Variants in LZTFL1 observed in about 807,000 individuals in gnomAD.
LZTFL1 encodes leucine zipper transcription factor-like protein 1.
In LZTFL1, 25 loss-of-function variants were observed where a neutral mutation model predicts 45.9. The ratio of observed to expected loss-of-function variants is 0.54; its 90% CI spans 0.40 to 0.76. The LOEUF (loss-of-function observed/expected upper bound fraction) is 0.76, where lower values mean the gene tolerates loss of function less well. Among genes scored for constraint, LZTFL1 ranks in the 30% least tolerant of loss-of-function variants. LZTFL1 has a pLI of 0.00. For missense variants in LZTFL1, 277 were observed against 331.1 expected (o/e 0.84, Z 1.27); for synonymous variants, 93 against 117.4 (o/e 0.79, Z 1.35).
At chr3:45,897,031 C>G (rs1702377715) in intron 2 of LZTFL1, among the ~76,000 whole-genome samples, 1 of 152,188 alleles carries the variant, frequency 6.6e-6, no homozygotes, top group Admixed American at 6.5e-5. Context: ...TGCTTCTGAG[C>G]CCAGGACTCC....
At position 45,900,367 on chromosome 3, in the gene LZTFL1, T is replaced by G. The variant is rs868768375; in HGVS notation, c.-215+12753A>C. 7.9e-5 allele frequency among the ~76,000 whole-genome samples: 12 copies of G among 152,272 alleles called. No homozygotes were observed. Among genetic ancestry groups the G allele is most frequent in the South Asian group, 6.2e-4 (3 of 4,822 alleles). ...ATGAGTTTAAGAGCCCTTGCTAACC[T>G]TTTTAGGGTCAGTGAAAAACTGAAT... On this transcript the variant is annotated intron_variant, in intron 2 of 4. Coordinates refer to the LZTFL1 transcript ENST00000472635. This position sits in a 1 kb window ranked among gnomAD's most constrained non-coding sequence, Gnocchi z 4.7.
intron 2 of LZTFL1, among the ~76,000 whole-genome samples, chr3:45,883,301 T>C (rs781557929): frequency 6.6e-5 from 10 of 152,222 alleles, no homozygotes; most frequent in Non-Finnish European, 1.3e-4. Context: ...CATGTAGTAA[T>C]AGTAATAAAG....
chr3:45,879,748 T>A (rs1701818018), intron 2 of LZTFL1, among the ~76,000 whole-genome samples: 1 of 152,340 alleles, frequency 6.6e-6, no homozygotes, highest in African/African-American at 2.4e-5. Context: ...GCACATGTGC[T>A]GCGGGAGCGG....
intron 2 of LZTFL1, among the ~76,000 whole-genome samples, chr3:45,892,250 CAT>C (rs1257578939): frequency 6.6e-6 from 1 of 152,152 alleles, no homozygotes; most frequent in Non-Finnish European, 1.5e-5. Context: ...GGTATAAAGA[CAT>C]GTGAACATGT....
chr3:45,831,178 T>A, intron 5 of LZTFL1, 40 bp from the exon 6 acceptor site: 1 of 1,038,770 alleles, frequency 9.6e-7, no homozygotes, highest in South Asian at 1.7e-5. Flanking sequence ...TTAACCAAAA[T>A]ATTTTAATAT....
chr3:45,838,082 GTT>G, intron 1 of LZTFL1, 31 bp from the exon 2 acceptor site: 1 of 1,571,412 alleles, frequency 6.4e-7, no homozygotes, highest in East Asian at 2.3e-5. Flanking sequence ...TTAATTGTTA[GTT>G]TTGAAGATCT....
intron 2 of LZTFL1, among the ~76,000 whole-genome samples, chr3:45,889,500 T>A (rs530631002): frequency 2.6e-4 from 40 of 152,122 alleles, no homozygotes; most frequent in Non-Finnish European, 2.9e-4. Flanking sequence ...CTTTTTTTTT[T>A]AAATCTGACA....
chr3:45,849,304 G>A (rs559955955), intron 4 of LZTFL1, among the ~76,000 whole-genome samples: 33 of 152,236 alleles, frequency 2.2e-4, no homozygotes, highest in Admixed American at 8.5e-4. Flanking sequence ...AAGGACAGAG[G>A]GAACATAGCA....
At chr3:45,846,461 C>T (rs1037623236), upstream of LZTFL1, among the ~76,000 whole-genome samples, 4 of 152,052 alleles carry the variant, frequency 2.6e-5, no homozygotes, top group Non-Finnish European at 4.4e-5. Flanking sequence ...TGGTGCTGAC[C>T]CCATGCACAG....
intron 2 of LZTFL1, among the ~76,000 whole-genome samples, chr3:45,864,906 C>A (rs1456017115): frequency 3.9e-5 from 6 of 152,188 alleles, no homozygotes; most frequent in African/African-American, 1.4e-4. Flanking sequence ...AGTTGAAGCC[C>A]TTTTGCCCTT....
At chr3:45,895,774 C>T (rs1381398649) in intron 2 of LZTFL1, among the ~76,000 whole-genome samples, 2 of 150,522 alleles carry the variant, frequency 1.3e-5, no homozygotes, top group African/African-American at 2.4e-5. Context: ...TTTTCTTTTA[C>T]AGCCGAATGT....
chr3:45,828,640 T>C, intron 7 of LZTFL1, 25 bp from the exon 8 acceptor site: 1 of 1,535,938 alleles, frequency 6.5e-7, no homozygotes, highest in African/African-American at 1.4e-5. Flanking sequence ...TGCATGCATG[T>C]AATTTCATGT....
At chr3:45,859,097 T>C (rs1393247064) in intron 2 of LZTFL1, 1 of 152,260 alleles carries the variant, frequency 6.6e-6, no homozygotes, top group East Asian at 1.9e-4. Context: ...TCTATTCTCC[T>C]GGATGGTGCT....
intron 2 of LZTFL1, among the ~76,000 whole-genome samples, chr3:45,873,309 T>G (rs997798973): frequency 6.6e-6 from 1 of 152,378 alleles, no homozygotes; most frequent in Non-Finnish European, 1.5e-5. Flanking sequence ...TGCATTGTAC[T>G]GGGAGGTTTT....
intron 2 of LZTFL1, among the ~76,000 whole-genome samples, chr3:45,882,675 G>C (rs74808020): frequency 0.076 from 11,553 of 152,142 alleles, 487 homozygotes; most frequent in African/African-American, 0.1. Flanking sequence ...AACAAAGTCA[G>C]CTTGGGTCTT....
At chr3:45,894,864 T>G in intron 2 of LZTFL1, 1 of 1,469,120 alleles carries the variant, frequency 6.8e-7, no homozygotes, top group Non-Finnish European at 9.5e-7. Flanking sequence ...TTACTATTCG[T>G]TTACAAGCCA....
Position 45,904,631 on chromosome 3 carries a change from G to A in LZTFL1, c.-215+8489C>T, listed in dbSNP as rs775473373. Among the ~76,000 whole-genome samples the A allele has an allele frequency of 4.6e-5, 7 of 152,328 alleles. No individual in the cohort carries two copies. In the South Asian group the frequency reaches 6.2e-4, roughly 14 times the overall value. On this transcript the variant is annotated intron_variant, in intron 2 of 4. Transcript: ENST00000472635. The stretch of plus-strand genomic sequence containing the variant: ...CTTGTGGACCTTCCCCCAGGCCATC[G>A]CCATTGCAGTATGGCCATTATGGGT...
rs1354143073 is a variant in LZTFL1, at chr3:45,835,767, A to C, written c.146T>G (p.Phe49Cys). 3.7e-6 allele frequency: 6 copies of C among 1,609,902 alleles called. No individual in the cohort carries two copies. The African/African-American group carries it at 8.0e-5, about 22-fold the overall frequency. ...LKESRLVEDT[F>C]TIDEVSEVLN... ...GACTTCAGAGACTTCATCTATGGTG[A>C]AGGTGTCCTCCACCAGCCTGAAAAA... Residue 49 changes from phenylalanine to cysteine, a missense_variant, in exon 3 of 10, where the codon TTC becomes TGC. By Grantham distance (205) the Phe-to-Cys change is radical. Transcript: ENST00000296135.
intron 2 of LZTFL1, among the ~76,000 whole-genome samples, chr3:45,905,231 C>G (rs1421484409): frequency 6.6e-6 from 1 of 152,134 alleles, no homozygotes; most frequent in Non-Finnish European, 1.5e-5. Context: ...AGTGCTTCTG[C>G]AATAAAGTCT....
Sources: allele counts gnomAD v4.1 joint callset (sites outside exome capture counted in the v4.1 genomes callset), GRCh38; gene constraint gnomAD v4.1.1; non-coding constraint Gnocchi (gnomAD v3.1); transcripts MANE v1.5; gene names NCBI Gene and HGNC (gene_info 2026-07-23, HGNC 2026-07-21).